Variants in BEND7 observed in about 807,000 individuals in gnomAD.
The protein encoded by BEND7 is BEN domain containing 7, also known as BEN domain-containing protein 7.
In BEND7, 28 loss-of-function variants were observed where a neutral mutation model predicts 50.9. The observed-to-expected ratio is 0.55, with a 90% confidence interval of 0.41 to 0.75. The LOEUF (loss-of-function observed/expected upper bound fraction) is 0.75, where lower values mean the gene tolerates loss of function less well. Among genes scored for constraint, BEND7 ranks in the 30% least tolerant of loss-of-function variants. The pLI, the probability that BEND7 is intolerant of heterozygous loss-of-function variation, is 0.00. For missense variants in BEND7, 477 were observed against 491.3 expected (o/e 0.97, Z 0.28); for synonymous variants, 170 against 183.9 (o/e 0.92, Z 0.61).
intron 5 of BEND7, among the ~76,000 whole-genome samples, chr10:13,482,568 C>T (rs993773402): frequency 1.3e-5 from 2 of 152,226 alleles, no homozygotes; most frequent in Non-Finnish European, 2.9e-5. Flanking sequence ...AAACAGGGCT[C>T]AGAGCATAGC....
At chr10:13,477,223 C>A (rs947636869) in intron 6 of BEND7, among the ~76,000 whole-genome samples, 1 of 152,020 alleles carries the variant, frequency 6.6e-6, no homozygotes, top group Non-Finnish European at 1.5e-5. Flanking sequence ...ATTTTCATTT[C>A]TGAGATTTTG....
intron 6 of BEND7, among the ~76,000 whole-genome samples, chr10:13,466,034 T>A (rs951296498): frequency 6.6e-6 from 1 of 152,174 alleles, no homozygotes; most frequent in Non-Finnish European, 1.5e-5. Flanking sequence ...AGGTTAATTT[T>A]AATTTCTATC....
intron 5 of BEND7, among the ~76,000 whole-genome samples, chr10:13,489,317 A>G (rs2076478751): frequency 6.6e-6 from 1 of 152,212 alleles, no homozygotes; most frequent in African/African-American, 2.4e-5. Flanking sequence ...CAACTGCCAC[A>G]GCTGAAACTT....
intron 2 of BEND7, among the ~76,000 whole-genome samples, chr10:13,524,269 T>C (rs2079279441): frequency 1.3e-5 from 2 of 152,196 alleles, no homozygotes; most frequent in Non-Finnish European, 1.5e-5. Flanking sequence ...TCCCTTTGTA[T>C]GGTGAACGTA....
At chr10:13,497,796 C>T (rs909665813) in intron 3 of BEND7, among the ~76,000 whole-genome samples, 3 of 152,176 alleles carry the variant, frequency 2.0e-5, no homozygotes, top group African/African-American at 7.2e-5. Flanking sequence ...CATTGTCTCA[C>T]AGGCCAGCAA....
In BEND7 at chr10:13,452,708, C is replaced by A; in HGVS notation, c.1064-50G>T. 4.7e-6 allele frequency: 7 copies of A among 1,484,478 alleles called. No homozygotes were observed. In the South Asian group the frequency reaches 5.2e-5, roughly 11 times the overall value. The allele number at this position is 1,484,478 out of a possible 1,614,324, so 92.0% of individuals were successfully genotyped here. The stretch of plus-strand genomic sequence containing the variant: ...TAAATACCTTAACAAGTAAAATATG[C>A]AGATCTGAAACAGAAATATATTCTA... On this transcript the variant is annotated intron_variant, in intron 6 of 8. Coordinates refer to ENST00000466271, the MANE Select transcript of BEND7 (RefSeq NM_001369863.1).
chr10:13,454,668 G>A (rs1342809508), intron 6 of BEND7, among the ~76,000 whole-genome samples: 2 of 152,112 alleles, frequency 1.3e-5, no homozygotes, highest in Non-Finnish European at 2.9e-5. Flanking sequence ...CAGCAGTGGA[G>A]GGCCACCCAG....
At chr10:13,471,859 C>T (rs562255399) in intron 6 of BEND7, among the ~76,000 whole-genome samples, 21 of 152,358 alleles carry the variant, frequency 1.4e-4, no homozygotes, top group Non-Finnish European at 2.4e-4. Flanking sequence ...TCCCCATCAT[C>T]GCTATTAGAA....
intron 2 of BEND7, among the ~76,000 whole-genome samples, chr10:13,524,460 T>C (rs2079294681): frequency 6.6e-6 from 1 of 151,850 alleles, no homozygotes. Context: ...CTGGCCAACA[T>C]GGTAAAACTC....
rs1588612158 is a variant in BEND7 at position 13,445,347 on chromosome 10, G to C, written c.1234+1919C>G. 2.6e-5 allele frequency: 4 copies of C among 152,334 alleles called. No individual in the cohort carries two copies. The East Asian group carries it at 5.8e-4, about 22-fold the overall frequency. The allele number at this position is 152,334 out of a possible 1,614,324, so 9.4% of individuals were successfully genotyped here. A position where few individuals can be genotyped will look rare whatever the true frequency, so the allele number is the denominator to read the frequency against. ...CGAACATTTTAATTGTGAAGACTGA[G>C]ACAGTGAAGAGGACTCCTAAAGGGA... On this transcript the variant is annotated intron_variant, in intron 8 of 8. Coordinates refer to ENST00000466271, the MANE Select transcript of BEND7 (RefSeq NM_001369863.1).
intron 8 of BEND7, chr10:13,444,971 T>G (rs1055409603): frequency 6.6e-6 from 1 of 152,050 alleles, no homozygotes; most frequent in Non-Finnish European, 1.5e-5. Flanking sequence ...CCCGCCACCA[T>G]GCCTGGCTAA....
At chr10:13,497,472 G>A (rs545184850) in intron 3 of BEND7, among the ~76,000 whole-genome samples, 3 of 152,166 alleles carry the variant, frequency 2.0e-5, no homozygotes, top group Non-Finnish European at 2.9e-5. Context: ...GGATATATTC[G>A]AATTGGATGC....
intron 2 of BEND7, among the ~76,000 whole-genome samples, chr10:13,515,948 G>C (rs940082409): frequency 1.3e-5 from 2 of 152,220 alleles, no homozygotes; most frequent in East Asian, 3.8e-4. Context: ...CCAACATGTG[G>C]AGAGTGGGAT....
intron 6 of BEND7, among the ~76,000 whole-genome samples, chr10:13,463,496 G>C (rs188040741): frequency 7.2e-5 from 11 of 152,300 alleles, no homozygotes; most frequent in Admixed American, 6.5e-4. Flanking sequence ...ATAGAATTAT[G>C]AATCAGTCAA....
intron 4 of BEND7, among the ~76,000 whole-genome samples, chr10:13,494,474 CG>C (rs2076899862): frequency 6.6e-6 from 1 of 152,226 alleles, no homozygotes; most frequent in Non-Finnish European, 1.5e-5. Flanking sequence ...CCACCCCAGA[CG>C]AAGTGAACTG....
chr10:13,519,136 A>C (rs1002089685), intron 2 of BEND7, among the ~76,000 whole-genome samples: 1 of 151,476 alleles, frequency 6.6e-6, no homozygotes, highest in Non-Finnish European at 1.5e-5. Context: ...AAGTGCCAGA[A>C]AAGAGTAATG....
chr10:13,463,662 A>C (rs905088228), intron 6 of BEND7, among the ~76,000 whole-genome samples: 1 of 152,368 alleles, frequency 6.6e-6, no homozygotes, highest in South Asian at 2.1e-4. Flanking sequence ...GGATATAATT[A>C]TATCATCTGA....
In BEND7 at chr10:13,492,655, G is replaced by C. The variant is rs34031551; in HGVS notation, c.793C>G (p.Arg265Gly). 1 of 1,614,002 alleles carries C rather than the reference G, an allele frequency of 6.2e-7. No individual in the cohort carries two copies. The highest frequency in any genetic ancestry group is 1.3e-5 in the African/African-American group (1 of 75,028). Residue 265 changes from arginine (R) to glycine (G), a missense_variant, in exon 5 of 9, where the codon CGC becomes GGC. Arg to Gly is a moderately radical substitution (Grantham distance 125). Around this residue, in one of 3 missense-constraint regions of BEND7, gnomAD observed 396 missense variants for 384.2 expected, o/e 1.03. Transcript: ENST00000466271. ...AGAACAATGCCGAATCCTAGAACGC[G>C]GCTCTCCTCCGGGGAGGTGTGCTCG... Reference protein sequence around the residue: ...AAEHTSPEESRVLGFGIVLES... With the variant: ...AAEHTSPEESGVLGFGIVLES...
chr10:13,486,059 C>T (rs1012079058), intron 5 of BEND7, among the ~76,000 whole-genome samples: 9 of 152,038 alleles, frequency 5.9e-5, no homozygotes, highest in African/African-American at 9.7e-5. Flanking sequence ...AAAATTTTTT[C>T]GTAGAGACAC....
Sources: allele counts gnomAD v4.1 joint callset (sites outside exome capture counted in the v4.1 genomes callset), GRCh38; gene constraint gnomAD v4.1.1; regional missense constraint gnomAD v4.1.1; transcripts MANE v1.5; gene names NCBI Gene and HGNC (gene_info 2026-07-23, HGNC 2026-07-21).